Variants in NLRP2 observed in about 807,000 individuals in gnomAD.
NLRP2 encodes NACHT, LRR and PYD domains-containing protein 2.
NLRP2 carries 107 observed loss-of-function variants against 97.2 expected under a neutral mutation model. That is an observed-to-expected ratio of 1.10 (90% CI 0.94 to 1.29). NLRP2 has a LOEUF of 1.29. Ranked by LOEUF, NLRP2 falls within the 50% of genes most tolerant of loss-of-function variation. The pLI is 0.00. For synonymous variants in NLRP2, 663 were observed against 551.5 expected (o/e 1.20, Z -2.83); for missense variants, 1,495 against 1,330.3 (o/e 1.12, Z -1.93).
chr19:54,985,036 C>T lies in NLRP2; in HGVS notation c.2031-11C>T, dbSNP rs1031171577. ...CACATTTGGTGTAACCCTTTCTTCT[C>T]TTCCCTATAGATCCCAGGATGATCA... On this transcript the variant is annotated splice_polypyrimidine_tract_variant and intron_variant, in intron 6 of 12. Transcript: ENST00000448584. The T allele has an allele frequency of 1.2e-6, 2 of 1,613,828 alleles. No individual in the cohort carries two copies. Among genetic ancestry groups the T allele is most frequent in the Non-Finnish European group, 8.5e-7 (1 of 1,179,928 alleles).
At chr19:54,968,343 G>C (rs1050472133) in intron 1 of NLRP2, among the ~76,000 whole-genome samples, 5 of 151,802 alleles carry the variant, frequency 3.3e-5, no homozygotes, top group African/African-American at 1.2e-4. Flanking sequence ...ACCACCCCCA[G>C]TGTTGTGTTT....
chr19:54,990,372 G>T, intron 9 of NLRP2, 130 bp from the exon 10 acceptor site: 1 of 1,118,746 alleles, frequency 8.9e-7, no homozygotes, highest in Non-Finnish European at 1.4e-6. Context: ...TCCTTCATAG[G>T]ATCACCAGTG....
At chr19:54,973,860 G>A in intron 2 of NLRP2, 2 of 641,244 alleles carry the variant, frequency 3.1e-6, no homozygotes. Context: ...TGTAAGAAGT[G>A]TGGCAAGCAC....
At chr19:54,972,484 C>A (rs1307646685) in intron 2 of NLRP2, among the ~76,000 whole-genome samples, 2 of 151,762 alleles carry the variant, frequency 1.3e-5, no homozygotes, top group Non-Finnish European at 2.9e-5. Context: ...CCCAGCTACA[C>A]TTTTTTTTGA....
Position 54,976,810 on chromosome 19 carries a change from C to CTTTTTTTTTTTTTT in NLRP2, c.326-941_326-940insTTTTTTTTTTTTTT, listed in dbSNP as rs749684265. ...TTATTAGGATTCCACCTTGTTCTCT[C>CTTTTTTTTTTTTTT]TCTTTTTTTTTTTTTTTTTGATACG... On this transcript the variant is annotated intron_variant, in intron 3 of 12. Transcript: ENST00000448584. 4.5e-3 allele frequency: 1,425 copies of CTTTTTTTTTTTTTT among 319,474 alleles called. 221 individuals carry two copies. Among genetic ancestry groups the CTTTTTTTTTTTTTT allele is most frequent in the Non-Finnish European group, 5.0e-3 (890 of 177,308 alleles). 19.8% of individuals were successfully genotyped at this position (319,474 alleles called of 1,614,324 possible).
chr19:54,969,074 C>A (rs1490370956), intron 1 of NLRP2, among the ~76,000 whole-genome samples: 1 of 152,124 alleles, frequency 6.6e-6, no homozygotes. Flanking sequence ...CGTAGCTCCC[C>A]ACTTCCTTAT....
chr19:54,983,035 C>T lies in NLRP2; in HGVS notation c.1337C>T (p.Ala446Val), dbSNP rs201375258. The change falls in exon 6 of 13, where the codon GCG becomes GTG. Residue 446 changes from alanine (A) to valine (V), a missense_variant. Ala to Val is a moderately conservative substitution (Grantham distance 64). Transcript: ENST00000448584. ...CCGCAGGGCGCACAGCTGCGGGGCG[C>T]GCTGCGGACGCTGAGCCTCCTGGCC... ...RFPQGAQLRG[A>V]LRTLSLLAAQ... is the part of the protein sequence containing the mutation. 1.5e-5 allele frequency: 24 copies of T among 1,610,748 alleles called. No individual in the cohort carries two copies. The highest frequency in any genetic ancestry group is 5.3e-5 in the African/African-American group (4 of 74,856).
intron 8 of NLRP2, among the ~76,000 whole-genome samples, chr19:54,988,025 CAG>C (rs1430579012): frequency 6.6e-6 from 1 of 152,160 alleles, no homozygotes; most frequent in Admixed American, 6.6e-5. Context: ...GCCTGGGCAA[CAG>C]AGCAAAACTC....
rs1228342338 is a variant in NLRP2, at chr19:54,997,450, A to C, written c.3013A>C (p.Thr1005Pro). The C allele has an allele frequency of 1.2e-6, 2 of 1,613,808 alleles. No homozygotes were observed. The highest frequency in any genetic ancestry group is 2.7e-5 in the African/African-American group (2 of 74,808). The change falls in exon 12 of 13, where the codon ACC (threonine) becomes CCC (proline). Residue 1005 changes from threonine to proline, a missense_variant. Coordinates refer to ENST00000448584, the MANE Select transcript of NLRP2 (RefSeq NM_017852.5). ...TAGTGGAGTGAAGATGCTGTTTGAA[A>C]CCTTGACATGTTCCAGTGGCACCCT... is the stretch of plus-strand genomic sequence containing the variant. ...GSSGVKMLFETLTCSSGTLRT... is the reference protein window; with the variant it reads ...GSSGVKMLFEPLTCSSGTLRT...
rs147222602 is a variant in NLRP2 at position 54,983,293 on chromosome 19, T to C, written c.1595T>C (p.Ile532Thr). ...GATAGGGACGGCCACACCTGGGACATTGGGGACGTACAGAAGCTGCTTTCC... is the reference window on the plus strand; with the variant it reads ...GATAGGGACGGCCACACCTGGGACACTGGGGACGTACAGAAGCTGCTTTCC... ...EEDRDGHTWD[I>T]GDVQKLLSGV... Residue 532 changes from isoleucine to threonine, a missense_variant, in exon 6 of 13, where the codon ATT (isoleucine) becomes ACT (threonine). By Grantham distance (89) the Ile-to-Thr change is moderately conservative (BLOSUM62 -1). Coordinates refer to ENST00000448584, the MANE Select transcript of NLRP2 (RefSeq NM_017852.5). The C allele has an allele frequency of 4.5e-5, 73 of 1,614,080 alleles. 1 individual carries two copies. Among genetic ancestry groups the C allele is most frequent in the Middle Eastern group, 3.3e-4 (2 of 6,062 alleles).
intron 11 of NLRP2, among the ~76,000 whole-genome samples, chr19:54,995,187 CTTT>C (rs34168825): frequency 2.3e-5 from 2 of 87,222 alleles, no homozygotes; most frequent in African/African-American, 8.9e-5. Flanking sequence ...GTGGGTGCCT[CTTT>C]TTTTTTTTTT....
At chr19:54,994,247 T>G (rs761774902) in intron 10 of NLRP2, 22 bp from the exon 11 acceptor site, 1 of 1,613,728 alleles carries the variant, frequency 6.2e-7, no homozygotes, top group Non-Finnish European at 8.5e-7. Context: ...GGGTTTGCTT[T>G]CTTCCTGTGG....
intron 3 of NLRP2, among the ~76,000 whole-genome samples, chr19:54,975,133 T>G (rs990984018): frequency 0.045 from 1,798 of 40,028 alleles, 230 homozygotes; most frequent in South Asian, 0.066. Flanking sequence ...TTTTTTTTTT[T>G]TTTTTTTTTT....
At chr19:54,992,923 T>C (rs754345704) in intron 10 of NLRP2, among the ~76,000 whole-genome samples, 5 of 152,002 alleles carry the variant, frequency 3.3e-5, no homozygotes, top group Non-Finnish European at 7.4e-5. Context: ...TTTAGTCTTA[T>C]GTGGGTTTTC....
intron 8 of NLRP2, chr19:54,989,763 C>T (rs2072332831): frequency 1.8e-6 from 1 of 563,040 alleles, no homozygotes; most frequent in Non-Finnish European, 3.2e-6. Context: ...GTGGGCAGAT[C>T]ACCTGAGATT....
rs768166884 is a variant in NLRP2, at chr19:54,983,077, C to G, written c.1379C>G (p.Ala460Gly). ...CTCCTGGCCGCGCAGGGCCTGTGGG[C>G]GCAGACGTCCGTGCTTCACCGAGAG... The part of the protein sequence containing the change: ...LSLLAAQGLW[A>G]QTSVLHREDL... The change falls in exon 6 of 13, where the codon GCG becomes GGG. Residue 460 changes from alanine (A) to glycine (G), a missense_variant. By Grantham distance (60) the Ala-to-Gly change is moderately conservative. Transcript: ENST00000448584. 7.4e-6 allele frequency: 12 copies of G among 1,612,576 alleles called. No individual in the cohort carries two copies. Among genetic ancestry groups the G allele is most frequent in the Non-Finnish European group, 1.0e-5 (12 of 1,179,784 alleles).
rs371167610 is a variant in NLRP2 at position 54,970,029 on chromosome 19, C to T, written c.14C>T (p.Ala5Val). The T allele has an allele frequency of 4.3e-5, 70 of 1,613,562 alleles. No homozygotes were observed. Among genetic ancestry groups the T allele is most frequent in the Middle Eastern group, 3.5e-4 (2 of 5,786 alleles). MVSS[A>V]QMGFNLQALL... ...ACGTGGGACAAGATGGTGTCTTCGGCGCAGATGGGCTTCAACCTGCAGGCT... is the reference window on the plus strand; with the variant it reads ...ACGTGGGACAAGATGGTGTCTTCGGTGCAGATGGGCTTCAACCTGCAGGCT... Residue 5 changes from alanine (A) to valine (V), a missense_variant, in exon 2 of 13, where the codon GCG (alanine) becomes GTG (valine). By Grantham distance (64) the Ala-to-Val change is moderately conservative. Coordinates refer to ENST00000448584, the MANE Select transcript of NLRP2 (RefSeq NM_017852.5).
intron 1 of NLRP2, 94 bp from the exon 2 acceptor site, chr19:54,969,905 G>T: frequency 8.2e-7 from 1 of 1,212,564 alleles, no homozygotes; most frequent in Non-Finnish European, 1.2e-6. Context: ...GGTAGATGGT[G>T]AGTGTCCTTG....
At position 54,986,271 on chromosome 19, in the gene NLRP2, G is replaced by A; in HGVS notation, c.2322G>A (p.Leu774=). ...GNDQDDMFPA[L]CEVLRHPECN... The stretch of plus-strand genomic sequence containing the variant: ...ACCAGGATGATATGTTTCCCGCATT[G>A]TGTGAGGTCTTGAGACATCCAGAAT... The change falls in exon 8 of 13, where the codon TTG becomes TTA. Residue 774 remains leucine (L), a synonymous_variant. Transcript: ENST00000448584. 6.2e-7 allele frequency: 1 copy of A among 1,614,080 alleles called. No individual in the cohort carries two copies. Among genetic ancestry groups the A allele is most frequent in the Non-Finnish European group, 8.5e-7 (1 of 1,179,970 alleles).
Sources: gnomAD v4.1 joint callset for allele counts (sites outside exome capture counted in the v4.1 genomes callset) on GRCh38, gnomAD v4.1.1 for gene constraint, MANE v1.5 for transcripts, NCBI Gene and HGNC (gene_info 2026-07-23, HGNC 2026-07-21) for gene names.